The following HECA variants were observed in gnomAD, a reference collection of about 807,000 sequenced individuals.
HECA encodes the protein headcase protein homolog.
In HECA, 13 loss-of-function variants were observed where a neutral mutation model predicts 37.6. That is an observed-to-expected ratio of 0.35 (90% CI 0.23 to 0.55). The LOEUF (loss-of-function observed/expected upper bound fraction) is 0.55. Among genes scored for constraint, HECA ranks in the 20% least tolerant of loss-of-function variants. The pLI is 0.90. For missense variants in HECA, 527 were observed against 701.9 expected (o/e 0.75, Z 2.82); for synonymous variants, 307 against 291.5 (o/e 1.05, Z -0.54).
In HECA at chr6:139,170,495, A is replaced by G. The variant is rs1430217804; in HGVS notation, c.1312+3171A>G. The G allele has an allele frequency of 3.3e-5, 5 of 152,204 alleles. No individual in the cohort carries two copies. In the South Asian group the frequency reaches 6.2e-4, roughly 19 times the overall value. The allele number at this position is 152,204 out of a possible 1,614,324, so 9.4% of individuals were successfully genotyped here. On this transcript the variant is annotated intron_variant, in intron 2 of 3. Transcript: ENST00000367658. ...AGAGGCAGCATGAATGCTGATGTCA[A>G]AAGGTGGACTGGATCTTGGTAAGCA...
At chr6:139,135,893 C>T (rs1774428955) in intron 1 of HECA, among the ~76,000 whole-genome samples, 2 of 151,810 alleles carry the variant, frequency 1.3e-5, no homozygotes, top group Admixed American at 1.3e-4. Context: ...GCCCGCGCCC[C>T]ACACTCTGAG....
At chr6:139,163,959 A>G (rs1774843865) in intron 1 of HECA, among the ~76,000 whole-genome samples, 2 of 151,992 alleles carry the variant, frequency 1.3e-5, no homozygotes, top group Non-Finnish European at 2.9e-5. Context: ...GCACTTCTAA[A>G]TCAGTGGGTC....
At chr6:139,140,794 G>A (rs886449238) in intron 1 of HECA, among the ~76,000 whole-genome samples, 4 of 152,132 alleles carry the variant, frequency 2.6e-5, no homozygotes, top group African/African-American at 7.2e-5. Context: ...CAACTCTTTG[G>A]CATTTTTGTT....
At position 139,166,297 on chromosome 6, in the gene HECA, C is replaced by A; in HGVS notation, c.285C>A (p.Ala95=). 6.2e-7 allele frequency: 1 copy of A among 1,601,092 alleles called. No homozygotes were observed. Among genetic ancestry groups the A allele is most frequent in the Non-Finnish European group, 8.5e-7 (1 of 1,171,712 alleles). ...AGDAKNEAPC[A]TPLICSFGRP... Reference sequence around the variant, plus strand: ...TTCCTCCCCCAGAAGCCCCATGTGCCACTCCCCTGATCTGCAGCTTCGGTA... The same window carrying A: ...TTCCTCCCCCAGAAGCCCCATGTGCAACTCCCCTGATCTGCAGCTTCGGTA... Residue 95 remains alanine (A), a synonymous_variant, in exon 2 of 4, where the codon GCC becomes GCA. Transcript: ENST00000367658.
At chr6:139,164,558 T>C (rs1472485170) in intron 1 of HECA, among the ~76,000 whole-genome samples, 2 of 152,132 alleles carry the variant, frequency 1.3e-5, no homozygotes, top group Non-Finnish European at 2.9e-5. Flanking sequence ...GCCTAGAGGA[T>C]GAGGAGAGAA....
At chr6:139,148,989 C>G (rs886841856) in intron 1 of HECA, among the ~76,000 whole-genome samples, 1 of 152,166 alleles carries the variant, frequency 6.6e-6, no homozygotes, top group Non-Finnish European at 1.5e-5. Flanking sequence ...TCTCAAGAAC[C>G]AGGCTGCAAA....
intron 1 of HECA, among the ~76,000 whole-genome samples, chr6:139,162,767 C>T (rs1774824035): frequency 1.3e-5 from 2 of 152,182 alleles, no homozygotes; most frequent in African/African-American, 4.8e-5. Context: ...AATGTTGTGT[C>T]TGTGGTTCAG....
At chr6:139,155,947 A>G (rs1283611216) in intron 1 of HECA, among the ~76,000 whole-genome samples, 1 of 152,174 alleles carries the variant, frequency 6.6e-6, no homozygotes, top group Non-Finnish European at 1.5e-5. Flanking sequence ...TCATATTTTC[A>G]AAGCTGTCAG....
At position 139,166,553 on chromosome 6, in the gene HECA, G is replaced by A. The variant is rs758352882; in HGVS notation, c.541G>A (p.Gly181Ser). The A allele has an allele frequency of 6.2e-7, 1 of 1,614,264 alleles. No individual in the cohort carries two copies. Among genetic ancestry groups the A allele is most frequent in the South Asian group, 1.1e-5 (1 of 91,086 alleles). Residue 181 changes from glycine to serine, a missense_variant, in exon 2 of 4, where the codon GGC becomes AGC. Gly to Ser is a moderately conservative substitution (Grantham distance 56, BLOSUM62 0). Around this residue, in one of 4 missense-constraint regions of HECA, gnomAD observed 21 missense variants for 51.2 expected, o/e 0.41. Transcript: ENST00000367658. ...LAFRFCSCRCGQGHLKKDTDW... is the reference protein window; with the variant it reads ...LAFRFCSCRCSQGHLKKDTDW... ...CTTCCGCTTCTGCTCTTGCCGCTGTGGCCAGGGCCACTTGAAGAAGGACAC... is the reference window on the plus strand; with the variant it reads ...CTTCCGCTTCTGCTCTTGCCGCTGTAGCCAGGGCCACTTGAAGAAGGACAC...
At chr6:139,141,436 C>G (rs1401268901) in intron 1 of HECA, among the ~76,000 whole-genome samples, 1 of 152,212 alleles carries the variant, frequency 6.6e-6, no homozygotes, top group Non-Finnish European at 1.5e-5. Flanking sequence ...GAAATTTGAT[C>G]ATTCCACTAT....
chr6:139,161,076 A>G (rs1039261960), intron 1 of HECA, among the ~76,000 whole-genome samples: 1 of 151,924 alleles, frequency 6.6e-6, no homozygotes, highest in Non-Finnish European at 1.5e-5. Context: ...GGTGGTGCTA[A>G]TGAGGGAGGA....
Position 139,135,591 on chromosome 6 carries a change from C to A in HECA, c.195C>A (p.Gly65=). Residue 65 remains glycine (G), a synonymous_variant, in exon 1 of 4, where the codon GGC becomes GGA. Transcript: ENST00000367658. ...AGAPGAGGAA[G]AGGAGTGAAN... ...CGCCGGGCGCCGGAGGCGCGGCGGG[C>A]GCCGGAGGCGCGGGGACTGGCGCCG... 2.1e-6 allele frequency: 2 copies of A among 960,968 alleles called. No homozygotes were observed. The highest frequency in any genetic ancestry group is 2.5e-6 in the Non-Finnish European group (2 of 813,114). 59.5% of individuals were successfully genotyped at this position (960,968 alleles called of 1,614,324 possible). A position where few individuals can be genotyped will look rare whatever the true frequency, so the allele number is the denominator to read the frequency against.
chr6:139,166,280 C>G lies in HECA; in HGVS notation c.272-4C>G, dbSNP rs775242083. 3.2e-6 allele frequency: 5 copies of G among 1,584,830 alleles called. No homozygotes were observed. In the South Asian group the frequency reaches 3.4e-5, roughly 11 times the overall value. ...AATCTGTTCTCTCTTTATTCCTCCCCCAGAAGCCCCATGTGCCACTCCCCT... is the reference window on the plus strand; with the variant it reads ...AATCTGTTCTCTCTTTATTCCTCCCGCAGAAGCCCCATGTGCCACTCCCCT... On this transcript the variant is annotated splice_polypyrimidine_tract_variant and splice_region_variant and intron_variant, in intron 1 of 3. Transcript: ENST00000367658.
intron 3 of HECA, among the ~76,000 whole-genome samples, chr6:139,175,866 AAAAC>A (rs1775045266): frequency 6.6e-6 from 1 of 152,244 alleles, no homozygotes; most frequent in South Asian, 2.1e-4. Context: ...TTTCTTCCTT[AAAAC>A]AATTGAAGCC....
intron 1 of HECA, among the ~76,000 whole-genome samples, chr6:139,148,029 TA>T (rs1395193204): frequency 6.6e-6 from 1 of 152,244 alleles, no homozygotes; most frequent in Non-Finnish European, 1.5e-5. Context: ...ATTGTCATAA[TA>T]TTTGCATTTT....
At chr6:139,174,565 C>G in intron 3 of HECA, 26 bp downstream of exon 3, 1 of 1,604,788 alleles carries the variant, frequency 6.2e-7, no homozygotes, top group Non-Finnish European at 8.5e-7. Context: ...ACTGAGGGAG[C>G]AGTGGGTGAT....
chr6:139,148,075 T>C (rs1374093952), intron 1 of HECA, among the ~76,000 whole-genome samples: 1 of 152,246 alleles, frequency 6.6e-6, no homozygotes, highest in Non-Finnish European at 1.5e-5. Context: ...TATATTTATA[T>C]TGATCATTTG....
chr6:139,147,811 C>G (rs543263598), intron 1 of HECA, among the ~76,000 whole-genome samples: 6 of 152,238 alleles, frequency 3.9e-5, no homozygotes, highest in African/African-American at 1.4e-4. Flanking sequence ...TCTTAATGGA[C>G]CAGAGTTCAT....
In HECA at chr6:139,135,644, C is replaced by A. The variant is rs1223573100; in HGVS notation, c.248C>A (p.Ala83Glu). Residue 83 changes from alanine to glutamate, a missense_variant, in exon 1 of 4, where the codon GCG (alanine) becomes GAG (glutamate). Around this residue, in one of 4 missense-constraint regions of HECA, gnomAD observed 172 missense variants for 197.6 expected, o/e 0.87. Coordinates refer to ENST00000367658, the MANE Select transcript of HECA (RefSeq NM_016217.3). ...AACGCTGCGGCCGCCGCGGGGGCTG[C>A]GGCCGCGGGCGATGCCAAAAACGGT... ...AANAAAAAGA[A>E]AAGDAKNEAP... 1 of 976,712 alleles carries A rather than the reference C, an allele frequency of 1.0e-6. No individual in the cohort carries two copies. The allele number at this position is 976,712 out of a possible 1,614,324, so 60.5% of individuals were successfully genotyped here. A position where few individuals can be genotyped will look rare whatever the true frequency, so the allele number is the denominator to read the frequency against.
Sources: gnomAD v4.1 joint callset for allele counts (sites outside exome capture counted in the v4.1 genomes callset) on GRCh38, gnomAD v4.1.1 for gene constraint, gnomAD v4.1.1 regional missense constraint, MANE v1.5 for transcripts, NCBI Gene and HGNC (gene_info 2026-07-23, HGNC 2026-07-21) for gene names.